EVL: variants seen among roughly 807,000 people sequenced by gnomAD.
EVL encodes the protein Enah/Vasp-like.
Under a neutral mutation model 59.6 loss-of-function variants are expected in EVL, and 21 were observed. That is an observed-to-expected ratio of 0.35 (90% confidence interval 0.25 to 0.51). The LOEUF (loss-of-function observed/expected upper bound fraction) is 0.51. EVL is among the 20% of genes least tolerant of loss of function. The pLI, the probability that EVL is intolerant of heterozygous loss-of-function variation, is 0.97. For synonymous variants in EVL, 198 were observed against 203.5 expected, an observed-to-expected ratio of 0.97 and a Z score of 0.23; for missense variants, 462 against 546.6, an observed-to-expected ratio of 0.85 and a Z score of 1.54.
At chr14:100,010,614 C>G (rs149451436) in intron 1 of EVL, among the ~76,000 whole-genome samples, 3,295 of 152,284 alleles carry the variant, frequency 0.022, 60 homozygotes, top group Admixed American at 0.055. Flanking sequence ...CCAGGCTGGT[C>G]TCAAACTCCT....
chr14:100,117,852 A>G (rs1371798933), intron 3 of EVL, among the ~76,000 whole-genome samples: 2 of 152,200 alleles, frequency 1.3e-5, no homozygotes, highest in Non-Finnish European at 2.9e-5. Flanking sequence ...CTGGGAGCTT[A>G]TAAGCCATTA....
chr14:99,999,712 G>T (rs1238012720), intron 1 of EVL, among the ~76,000 whole-genome samples: 1 of 152,190 alleles, frequency 6.6e-6, no homozygotes, highest in African/African-American at 2.4e-5. Flanking sequence ...AGGCGCCATG[G>T]ATTGCTTCTG....
At chr14:100,126,848 G>A in intron 5 of EVL, 77 bp downstream of exon 5, 1 of 1,397,678 alleles carries the variant, frequency 7.2e-7, no homozygotes, top group Non-Finnish European at 1.0e-6. Flanking sequence ...TGAGGCCCAG[G>A]GACACACGGG....
intron 1 of EVL, among the ~76,000 whole-genome samples, chr14:100,005,303 T>C (rs2060971381): frequency 6.6e-6 from 1 of 152,260 alleles, no homozygotes; most frequent in Admixed American, 6.5e-5. Flanking sequence ...TTAGAAGTTA[T>C]GGTAATTTTA....
chr14:100,078,016 C>T (rs1422683309), intron 1 of EVL, among the ~76,000 whole-genome samples: 4 of 152,098 alleles, frequency 2.6e-5, no homozygotes, highest in African/African-American at 4.8e-5. Context: ...CCTCGTGATC[C>T]GCCCGCCTTG....
chr14:100,082,352 A>T (rs2062329659), intron 1 of EVL, among the ~76,000 whole-genome samples: 2 of 152,090 alleles, frequency 1.3e-5, no homozygotes, highest in Admixed American at 1.3e-4. Context: ...CAGTTTTAGG[A>T]CCCAGACTGA....
chr14:100,015,979 C>T (rs1342531314), intron 1 of EVL, among the ~76,000 whole-genome samples: 1 of 151,152 alleles, frequency 6.6e-6, no homozygotes, highest in African/African-American at 2.4e-5. Flanking sequence ...CTGGGGAAGC[C>T]GAGGCACAAG....
intron 8 of EVL, among the ~76,000 whole-genome samples, chr14:100,134,398 C>T (rs778832949): frequency 9.9e-5 from 15 of 152,188 alleles, no homozygotes; most frequent in Non-Finnish European, 1.9e-4. Flanking sequence ...GAGGAACATT[C>T]TTGAAACCTT....
chr14:100,003,078 A>C (rs953632879), intron 1 of EVL, among the ~76,000 whole-genome samples: 1 of 152,216 alleles, frequency 6.6e-6, no homozygotes, highest in African/African-American at 2.4e-5. Context: ...CTATGACGTT[A>C]ATGGTTAACT....
At chr14:100,009,507 T>A (rs1222852295) in intron 1 of EVL, among the ~76,000 whole-genome samples, 1 of 152,264 alleles carries the variant, frequency 6.6e-6, no homozygotes, top group East Asian at 1.9e-4. Flanking sequence ...CCATTCATTC[T>A]TTCTGTTTTT....
chr14:100,104,360 T>C (rs1406019858), intron 3 of EVL, among the ~76,000 whole-genome samples: 2 of 152,260 alleles, frequency 1.3e-5, no homozygotes, highest in Admixed American at 6.5e-5. Context: ...GTCATTACTT[T>C]CATTGTTGAT....
At chr14:99,986,421 TCTC>T (rs2060841068) in intron 1 of EVL, among the ~76,000 whole-genome samples, 2 of 151,948 alleles carry the variant, frequency 1.3e-5, no homozygotes, top group South Asian at 4.1e-4. Context: ...AGGAAAATGC[TCTC>T]CTCAATTTGT....
intron 3 of EVL, among the ~76,000 whole-genome samples, chr14:100,102,732 G>A (rs1473248110): frequency 2.0e-5 from 3 of 152,144 alleles, no homozygotes; most frequent in African/African-American, 4.8e-5. Flanking sequence ...TTAAAGGGCA[G>A]TTCTGACCAG....
intron 1 of EVL, chr14:100,019,786 A>G: frequency 1.7e-6 from 2 of 1,202,942 alleles, no homozygotes; most frequent in Non-Finnish European, 2.3e-6. Context: ...GGTTCTCACA[A>G]AAAAAACAGG....
At chr14:100,019,157 C>G (rs952397513) in intron 1 of EVL, among the ~76,000 whole-genome samples, 2 of 152,168 alleles carry the variant, frequency 1.3e-5, no homozygotes, top group African/African-American at 4.8e-5. Flanking sequence ...TCAGTACTTA[C>G]GTTCACATAT....
At chr14:100,047,116 C>CTATTTTTTTTTTT (rs1158933445) in intron 1 of EVL, among the ~76,000 whole-genome samples, 1 of 28,458 alleles carries the variant, frequency 3.5e-5, no homozygotes, top group East Asian at 5.4e-4. Flanking sequence ...AGATCTCTCT[C>CTATTTTTTTTTTT]TCTTTTTTTT....
intron 3 of EVL, 37 bp from the exon 4 acceptor site, chr14:100,123,502 C>G: frequency 1.2e-6 from 2 of 1,611,284 alleles, no homozygotes; most frequent in Non-Finnish European, 8.5e-7. Flanking sequence ...GCCTTTCTTC[C>G]TCTAACCACA....
chr14:99,997,738 G>A (rs1298261272), intron 1 of EVL, among the ~76,000 whole-genome samples: 2 of 152,206 alleles, frequency 1.3e-5, no homozygotes, highest in Non-Finnish European at 2.9e-5. Flanking sequence ...TGATGTTCAT[G>A]TGTAACTTCA....
At chr14:99,979,241 AC>A (rs1254362128) in intron 1 of EVL, among the ~76,000 whole-genome samples, 15 of 151,852 alleles carry the variant, frequency 9.9e-5, no homozygotes, top group South Asian at 2.1e-4. Context: ...TAAAAAAAAA[AC>A]AACAACAAAA....
Sources: allele counts gnomAD v4.1 joint callset (sites outside exome capture counted in the v4.1 genomes callset), GRCh38; gene constraint gnomAD v4.1.1; transcripts MANE v1.5; gene names NCBI Gene and HGNC (gene_info 2026-07-23, HGNC 2026-07-21).